LRMDA: variants seen among roughly 807,000 people sequenced by gnomAD.
LRMDA encodes the protein leucine rich melanocyte differentiation associated, also known as leucine-rich melanocyte differentiation-associated protein.
In LRMDA, 18 loss-of-function variants were observed where a neutral mutation model predicts 29.8. That is an observed-to-expected ratio of 0.60 (90% CI 0.42 to 0.90). LRMDA has a LOEUF of 0.90. Ranked by LOEUF, LRMDA falls within the 40% of genes least tolerant of loss-of-function variation. The pLI is 0.00. For synonymous variants in LRMDA, 125 were observed against 109.4 expected (o/e 1.14, Z -0.89); for missense variants, 273 against 273.9 (o/e 1.00, Z 0.02).
At chr10:76,104,392 A>C (rs927222966) in intron 5 of LRMDA, among the ~76,000 whole-genome samples, 41 of 152,084 alleles carry the variant, frequency 2.7e-4, no homozygotes, top group African/African-American at 9.2e-4. Context: ...TTGGGTTTGG[A>C]CAATGAGGGA....
At chr10:76,269,555 A>G (rs1840043248) in intron 5 of LRMDA, among the ~76,000 whole-genome samples, 1 of 152,146 alleles carries the variant, frequency 6.6e-6, no homozygotes. Context: ...TACTATATCT[A>G]TATGTATGTA....
chr10:76,384,465 C>T (rs539461171), intron 6 of LRMDA, among the ~76,000 whole-genome samples: 1 of 152,262 alleles, frequency 6.6e-6, no homozygotes, highest in South Asian at 2.1e-4. Context: ...GTCTAATATC[C>T]AATTTTCTTT....
chr10:76,180,387 T>C (rs112177196), intron 5 of LRMDA, among the ~76,000 whole-genome samples: 5,009 of 151,026 alleles, frequency 0.033, 275 homozygotes, highest in African/African-American at 0.11. Flanking sequence ...TCAAACAATT[T>C]TCCTCCCTCA....
At chr10:76,047,668 A>AT (rs2132041826) in intron 4 of LRMDA, among the ~76,000 whole-genome samples, 1 of 152,312 alleles carries the variant, frequency 6.6e-6, no homozygotes, top group South Asian at 2.1e-4. Context: ...GTAAAGCTTT[A>AT]TTTACAAAAC....
intron 2 of LRMDA, among the ~76,000 whole-genome samples, chr10:75,833,520 A>AAC (rs1198347890): frequency 2.0e-5 from 3 of 152,106 alleles, no homozygotes; most frequent in Non-Finnish European, 4.4e-5. Context: ...GGGCAAAAAT[A>AAC]ACACAGCTGT....
At chr10:75,621,226 C>CACACACACA (rs1554816450) in intron 2 of LRMDA, among the ~76,000 whole-genome samples, 63 of 116,810 alleles carry the variant, frequency 5.4e-4, no homozygotes, top group African/African-American at 1.8e-3. Flanking sequence ...ACACACACAC[C>CACACACACA]CACACACCCA....
At chr10:76,267,098 A>G (rs1230177228) in intron 5 of LRMDA, among the ~76,000 whole-genome samples, 1 of 152,170 alleles carries the variant, frequency 6.6e-6, no homozygotes, top group East Asian at 1.9e-4. Context: ...ACCAGATGCC[A>G]TGATAAAGAA....
At chr10:75,705,791 C>A (rs184798174) in intron 2 of LRMDA, among the ~76,000 whole-genome samples, 6 of 152,216 alleles carry the variant, frequency 3.9e-5, no homozygotes, top group African/African-American at 1.4e-4. Flanking sequence ...AGCCAAGAAG[C>A]AGTGGGAGCC....
intron 5 of LRMDA, among the ~76,000 whole-genome samples, chr10:76,254,356 A>T (rs1390134420): frequency 6.8e-6 from 1 of 146,430 alleles, no homozygotes; most frequent in African/African-American, 2.5e-5. Context: ...ATCCTATCCT[A>T]TCCTATGCTA....
intron 5 of LRMDA, among the ~76,000 whole-genome samples, chr10:76,217,549 A>G (rs1851750699): frequency 1.3e-5 from 2 of 152,204 alleles, no homozygotes; most frequent in Admixed American, 6.5e-5. Context: ...AGGGGGACAC[A>G]GCACAACTTG....
At chr10:76,289,622 G>A (rs894430396) in intron 5 of LRMDA, among the ~76,000 whole-genome samples, 3 of 152,106 alleles carry the variant, frequency 2.0e-5, no homozygotes, top group Admixed American at 6.6e-5. Flanking sequence ...CTATAGTCTG[G>A]CATTTTCAGG....
chr10:75,473,253 C>G lies in LRMDA; in HGVS notation c.131+34759C>G, dbSNP rs188540148. 5.3e-5 allele frequency among the ~76,000 whole-genome samples: 8 copies of G among 152,312 alleles called. 1 individual carries two copies. Among genetic ancestry groups the G allele is most frequent in the African/African-American group, 1.9e-4 (8 of 41,570 alleles). ...TACCAAAGTGGGGGGAAACCTGGAG[C>G]TTTACTGCAGAGGCCAGCATAACAT... On this transcript the variant is annotated intron_variant, in intron 2 of 6. Transcript: ENST00000611255.
intron 2 of LRMDA, among the ~76,000 whole-genome samples, chr10:75,453,103 G>C (rs1306248300): frequency 6.6e-6 from 1 of 152,134 alleles, no homozygotes; most frequent in Non-Finnish European, 1.5e-5. Context: ...AGAGAAATCA[G>C]ATGAGTCATA....
intron 6 of LRMDA, among the ~76,000 whole-genome samples, chr10:76,510,385 C>T (rs1466534768): frequency 2.0e-5 from 3 of 151,098 alleles, no homozygotes; most frequent in Admixed American, 6.6e-5. Context: ...TAATGTTTTA[C>T]AAGTTTGAGA....
chr10:75,639,470 G>A (rs1329522268), intron 2 of LRMDA, among the ~76,000 whole-genome samples: 1 of 152,256 alleles, frequency 6.6e-6, no homozygotes, highest in East Asian at 1.9e-4. Flanking sequence ...AGACAGGTAG[G>A]CTTCATTTGA....
rs116508006 is a variant in LRMDA at position 76,056,162 on chromosome 10, G to A, written c.399-2504G>A. 3.6e-3 allele frequency among the ~76,000 whole-genome samples: 549 copies of A among 152,256 alleles called. 3 individuals are homozygous for A. Among genetic ancestry groups the A allele is most frequent in the African/African-American group, 0.013 (534 of 41,546 alleles). The stretch of plus-strand genomic sequence containing the variant: ...GGCAGGTCATCTCAGTTTCTGTGCA[G>A]CCCTCAGCAGAGAGGAGACCCAGAG... On this transcript the variant is annotated intron_variant, in intron 4 of 6. Coordinates refer to ENST00000611255, the MANE Select transcript of LRMDA (RefSeq NM_001305581.2).
At chr10:76,245,331 G>T (rs1234247743) in intron 5 of LRMDA, among the ~76,000 whole-genome samples, 1 of 152,142 alleles carries the variant, frequency 6.6e-6, no homozygotes, top group Non-Finnish European at 1.5e-5. Context: ...TGAAAATCCA[G>T]TGCCTGGGAA....
At chr10:76,345,330 C>T (rs1841093498) in intron 6 of LRMDA, among the ~76,000 whole-genome samples, 1 of 150,922 alleles carries the variant, frequency 6.6e-6, no homozygotes, top group Non-Finnish European at 1.5e-5. Context: ...CCTCGGCCTC[C>T]CAAAGTGCTG....
intron 5 of LRMDA, among the ~76,000 whole-genome samples, chr10:76,284,372 G>A (rs1309309587): frequency 1.3e-5 from 2 of 152,070 alleles, no homozygotes; most frequent in Non-Finnish European, 1.5e-5. Context: ...TGGAGCCAGG[G>A]GTGCAAGACA....
Sources: gnomAD v4.1 joint callset for allele counts (sites outside exome capture counted in the v4.1 genomes callset) on GRCh38, gnomAD v4.1.1 for gene constraint, MANE v1.5 for transcripts, NCBI Gene and HGNC (gene_info 2026-07-23, HGNC 2026-07-21) for gene names.